RABL3: variants seen among roughly 807,000 people sequenced by gnomAD.
The protein encoded by RABL3 is RAB, member of RAS oncogene family like 3.
In RABL3, 31 loss-of-function variants were observed where a neutral mutation model predicts 31.8. The ratio of observed to expected loss-of-function variants is 0.97; its 90% CI spans 0.73 to 1.31. The LOEUF (loss-of-function observed/expected upper bound fraction) is 1.31. Ranked by LOEUF, RABL3 falls within the 40% of genes most tolerant of loss-of-function variation. The pLI is 0.00. For missense variants in RABL3, 263 were observed against 279.6 expected (o/e 0.94, Z 0.42); for synonymous variants, 97 against 99.9 (o/e 0.97, Z 0.18).
At chr3:120,724,610 C>A (rs1207478969) in intron 2 of RABL3, among the ~76,000 whole-genome samples, 1 of 152,110 alleles carries the variant, frequency 6.6e-6, no homozygotes, top group Non-Finnish European at 1.5e-5. Flanking sequence ...GACATATAGG[C>A]CAATGGAACA....
At chr3:120,742,220 A>G (rs777225879) in intron 1 of RABL3, among the ~76,000 whole-genome samples, 5 of 147,632 alleles carry the variant, frequency 3.4e-5, no homozygotes, top group Non-Finnish European at 7.4e-5. Context: ...CGCCTGGGAG[A>G]CCGATGCGGA....
At chr3:120,714,523 A>T (rs973145126) in intron 2 of RABL3, among the ~76,000 whole-genome samples, 6 of 152,160 alleles carry the variant, frequency 3.9e-5, no homozygotes, top group African/African-American at 1.4e-4. Context: ...ATTAAAAAAA[A>T]GCCCTTCACT....
At chr3:120,733,432 G>T (rs959381790) in intron 1 of RABL3, among the ~76,000 whole-genome samples, 6 of 151,756 alleles carry the variant, frequency 4.0e-5, no homozygotes, top group African/African-American at 1.5e-4. Flanking sequence ...TAAATTTGTT[G>T]GAGTTCATTG....
At chr3:120,717,502 T>G (rs1010317370) in intron 2 of RABL3, among the ~76,000 whole-genome samples, 2 of 152,262 alleles carry the variant, frequency 1.3e-5, no homozygotes, top group African/African-American at 4.8e-5. Context: ...AGAGTCTCGC[T>G]CTGTTGCCCA....
chr3:120,710,688 C>T (rs968740684), intron 2 of RABL3: 1 of 152,188 alleles, frequency 6.6e-6, no homozygotes, highest in Non-Finnish European at 1.5e-5. Flanking sequence ...CCGTCTCTCC[C>T]TTATACCATC....
intron 2 of RABL3, among the ~76,000 whole-genome samples, chr3:120,713,938 G>A (rs1368944259): frequency 6.6e-6 from 1 of 151,094 alleles, no homozygotes; most frequent in Non-Finnish European, 1.5e-5. Context: ...AGCCTCCCAA[G>A]TGGCTGGGAT....
intron 2 of RABL3, among the ~76,000 whole-genome samples, chr3:120,723,643 C>T (rs1708777592): frequency 1.3e-5 from 2 of 152,176 alleles, no homozygotes; most frequent in Admixed American, 6.5e-5. Flanking sequence ...GCTGGTTCAA[C>T]ATACGCAAAT....
At chr3:120,711,624 T>C (rs1708613731) in intron 2 of RABL3, among the ~76,000 whole-genome samples, 2 of 152,188 alleles carry the variant, frequency 1.3e-5, no homozygotes. Context: ...TTCTCATGTC[T>C]AGGCTCTATA....
At chr3:120,690,369 T>A in intron 7 of RABL3, 80 bp downstream of exon 7, 1 of 1,064,682 alleles carries the variant, frequency 9.4e-7, no homozygotes. Flanking sequence ...CCCAACTTTT[T>A]AAAACTACTT....
intron 4 of RABL3, 84 bp from the exon 5 acceptor site, chr3:120,698,657 T>C (rs949710064): frequency 8.6e-6 from 10 of 1,161,370 alleles, no homozygotes; most frequent in Middle Eastern, 4.2e-4. Flanking sequence ...TAAGTTACAC[T>C]ATTTTACTGA....
intron 1 of RABL3, among the ~76,000 whole-genome samples, chr3:120,739,377 G>C (rs751728577): frequency 1.3e-5 from 2 of 152,008 alleles, no homozygotes; most frequent in Non-Finnish European, 2.9e-5. Context: ...AATCCGTCTC[G>C]GTGGTGGCGG....
intron 1 of RABL3, 42 bp downstream of exon 1, chr3:120,742,420 T>C: frequency 2.5e-6 from 4 of 1,600,332 alleles, no homozygotes; most frequent in Non-Finnish European, 3.4e-6. Flanking sequence ...ACTGGGTAAC[T>C]CAAAAGTGTC....
At chr3:120,719,942 G>A (rs1008585173) in intron 2 of RABL3, among the ~76,000 whole-genome samples, 1 of 152,154 alleles carries the variant, frequency 6.6e-6, no homozygotes, top group African/African-American at 2.4e-5. Context: ...CCCCAGTAGG[G>A]GCAGACTGAC....
chr3:120,726,743 C>G (rs996860754), intron 2 of RABL3, among the ~76,000 whole-genome samples: 4 of 150,070 alleles, frequency 2.7e-5, no homozygotes, highest in African/African-American at 2.5e-5. Flanking sequence ...GACTCCATCT[C>G]AAAAAAATAA....
At chr3:120,716,766 T>C (rs1338308719) in intron 2 of RABL3, among the ~76,000 whole-genome samples, 1 of 152,206 alleles carries the variant, frequency 6.6e-6, no homozygotes. Context: ...TAAAAGCTGC[T>C]ACAGGTAACA....
At chr3:120,703,122 T>G (rs546511667) in intron 4 of RABL3, among the ~76,000 whole-genome samples, 1 of 152,292 alleles carries the variant, frequency 6.6e-6, no homozygotes, top group South Asian at 2.1e-4. Flanking sequence ...AAGCTGTGCA[T>G]GCATGGATTT....
intron 2 of RABL3, among the ~76,000 whole-genome samples, chr3:120,719,174 T>C (rs1708705457): frequency 1.3e-5 from 2 of 152,240 alleles, no homozygotes; most frequent in Admixed American, 1.3e-4. Context: ...CAAGTGCATA[T>C]GAAATTTTTA....
Position 120,707,748 on chromosome 3 carries a change from A to G in RABL3, c.269-1634T>C, listed in dbSNP as rs190308108. Among the ~76,000 whole-genome samples, 304 of 152,234 alleles carry G rather than the reference A, an allele frequency of 2.0e-3. 4 individuals are homozygous for G. The highest frequency in any genetic ancestry group is 1.2e-3 in the Non-Finnish European group (82 of 67,974). Reference sequence around the variant, plus strand: ...AGAATTACAAAGGCCTAAGTTGGCTATTAGATGGACAGGGAAGACTTTACT... The same window carrying G: ...AGAATTACAAAGGCCTAAGTTGGCTGTTAGATGGACAGGGAAGACTTTACT... On this transcript the variant is annotated intron_variant, in intron 3 of 7. Transcript: ENST00000273375.
chr3:120,725,481 T>C (rs1708806770), intron 2 of RABL3, among the ~76,000 whole-genome samples: 1 of 152,192 alleles, frequency 6.6e-6, no homozygotes, highest in African/African-American at 2.4e-5. Context: ...CATGCTGCTA[T>C]AAAGACACAT....
Sources: allele counts gnomAD v4.1 joint callset (sites outside exome capture counted in the v4.1 genomes callset), GRCh38; gene constraint gnomAD v4.1.1; transcripts MANE v1.5; gene names NCBI Gene and HGNC (gene_info 2026-07-23, HGNC 2026-07-21).